Variants in NDUFS7 observed in about 807,000 individuals in gnomAD.
NDUFS7 encodes NADH dehydrogenase [ubiquinone] iron-sulfur protein 7, mitochondrial.
Under a neutral mutation model 31.1 loss-of-function variants are expected in NDUFS7, and 11 were observed. The ratio of observed to expected loss-of-function variants is 0.35; its 90% confidence interval spans 0.22 to 0.59. The LOEUF (loss-of-function observed/expected upper bound fraction) is 0.59, where lower values mean the gene tolerates loss of function less well. Among genes scored for constraint, NDUFS7 ranks in the 20% least tolerant of loss-of-function variants. NDUFS7 has a pLI of 0.79. For synonymous variants in NDUFS7, 136 were observed against 127.9 expected (o/e 1.06, Z -0.43); for missense variants, 263 against 324.2 (o/e 0.81, Z 1.45).
At chr19:1,391,096 C>T in intron 5 of NDUFS7, 23 bp from the exon 6 acceptor site, 1 of 1,609,664 alleles carries the variant, frequency 6.2e-7, no homozygotes, top group Non-Finnish European at 8.5e-7. Flanking sequence ...GTGAGCTGCG[C>T]ACGGACCCCG....
intron 1 of NDUFS7, 94 bp from the exon 2 acceptor site, chr19:1,387,717 C>A: frequency 8.8e-7 from 1 of 1,142,620 alleles, no homozygotes; most frequent in Non-Finnish European, 1.3e-6. Context: ...CAGAGCTAGG[C>A]TGTGCGGGCA....
intron 1 of NDUFS7, among the ~76,000 whole-genome samples, chr19:1,384,680 G>A (rs549475723): frequency 1.5e-4 from 23 of 152,338 alleles, no homozygotes; most frequent in African/African-American, 5.5e-4. Flanking sequence ...GGAGTGAGGA[G>A]TGGAAATGAG....
intron 4 of NDUFS7, 46 bp downstream of exon 4, chr19:1,388,984 C>G (rs767448532): frequency 6.7e-7 from 1 of 1,486,400 alleles, no homozygotes; most frequent in Non-Finnish European, 9.2e-7. Flanking sequence ...CAGGGCCTCT[C>G]TGCACACTCA....
intron 7 of NDUFS7, chr19:1,394,382 GT>G (rs2082577901): frequency 7.8e-7 from 1 of 1,289,160 alleles, no homozygotes; most frequent in Non-Finnish European, 1.0e-6. Context: ...AATGGGGCAA[GT>G]TGCGAGTGTG....
chr19:1,391,525 A>G (rs1416012452), intron 6 of NDUFS7, among the ~76,000 whole-genome samples: 2 of 143,736 alleles, frequency 1.4e-5, no homozygotes, highest in African/African-American at 5.2e-5. Flanking sequence ...TTGCTCTGTC[A>G]ACCCAGGCTG....
chr19:1,392,117 G>C (rs1319350098), intron 6 of NDUFS7: 1 of 152,012 alleles, frequency 6.6e-6, no homozygotes, highest in Admixed American at 6.6e-5. Flanking sequence ...AAAGTTCTGG[G>C]ATTACAGGCA....
At position 1,391,099 on chromosome 19, in the gene NDUFS7, G is replaced by A. The variant is rs1251358130; in HGVS notation, c.409-20G>A. The A allele has an allele frequency of 2.6e-5, 42 of 1,609,144 alleles. No homozygotes were observed. Among genetic ancestry groups the A allele is most frequent in the African/African-American group, 4.0e-5 (3 of 74,734 alleles). ...GCCGCCCCCAGAGTGAGCTGCGCAC[G>A]GACCCCGCCTCTCTTCCAGGTCTAC... On this transcript the variant is annotated intron_variant, in intron 5 of 7. Transcript: ENST00000233627.
rs556948291 is a variant in NDUFS7, at chr19:1,384,298, G to C, written c.16+356G>C. On this transcript the variant is annotated intron_variant, in intron 1 of 7. Transcript: ENST00000233627. ...TGGAGAGAGCGGGGCCTGCCTGACAGGCTGGGAAACTGAGGCCCATTGAGG... is the reference window on the plus strand; with the variant it reads ...TGGAGAGAGCGGGGCCTGCCTGACACGCTGGGAAACTGAGGCCCATTGAGG... The C allele has an allele frequency of 7.5e-4, 268 of 355,012 alleles. 5 individuals carry two copies. The Middle Eastern group carries it at 7.6e-3, about 10-fold the overall frequency. 22.0% of individuals were successfully genotyped at this position (355,012 alleles called of 1,614,324 possible).
intron 2 of NDUFS7, 74 bp downstream of exon 2, chr19:1,387,921 G>C (rs2082519781): frequency 1.5e-5 from 5 of 328,096 alleles, no homozygotes; most frequent in South Asian, 1.8e-5. Context: ...CGGGGGGGGT[G>C]GGGGGTGGGG....
At chr19:1,386,655 C>G (rs759692958) in intron 1 of NDUFS7, 2 of 152,208 alleles carry the variant, frequency 1.3e-5, no homozygotes, top group Non-Finnish European at 2.9e-5. Context: ...TGCTACTACA[C>G]CCAGCTAATT....
chr19:1,391,542 G>A (rs1225312417), intron 6 of NDUFS7, among the ~76,000 whole-genome samples: 9 of 146,508 alleles, frequency 6.1e-5, no homozygotes, highest in South Asian at 4.3e-4. Context: ...GCTGGAGTGC[G>A]GTGGAACCAT....
rs1470786513 is a variant in NDUFS7, at chr19:1,393,236, C to A, written c.456-6C>A. On this transcript the variant is annotated splice_region_variant and splice_polypyrimidine_tract_variant and intron_variant, in intron 6 of 7. Coordinates refer to ENST00000233627, the MANE Select transcript of NDUFS7 (RefSeq NM_024407.5). This position sits in a 1 kb window ranked among gnomAD's most constrained non-coding sequence, Gnocchi z 7.3. ...GCACACTCCCCTCACGGTGCCTCCCCAACAGCTGCGCCAACGGAGGAGGCT... is the reference window on the plus strand; with the variant it reads ...GCACACTCCCCTCACGGTGCCTCCCAAACAGCTGCGCCAACGGAGGAGGCT... The A allele has an allele frequency of 1.3e-6, 2 of 1,556,216 alleles. No individual in the cohort carries two copies. Among genetic ancestry groups the A allele is most frequent in the Non-Finnish European group, 1.7e-6 (2 of 1,150,972 alleles).
Position 1,393,026 on chromosome 19 carries a change from C to T in NDUFS7, c.456-216C>T, listed in dbSNP as rs2082567748. On this transcript the variant is annotated intron_variant, in intron 6 of 7. Coordinates refer to ENST00000233627, the MANE Select transcript of NDUFS7 (RefSeq NM_024407.5). This position sits in a 1 kb window ranked among gnomAD's most constrained non-coding sequence, Gnocchi z 7.3. ...CCCCCTCGGGAGGGGAGCACTTTTC[C>T]CCGAGTTATCAGCCACGTGTGAGCT... The T allele has an allele frequency of 3.3e-6, 2 of 601,608 alleles. No individual in the cohort carries two copies. Among genetic ancestry groups the T allele is most frequent in the Non-Finnish European group, 6.0e-6 (2 of 335,376 alleles). The allele number at this position is 601,608 out of a possible 1,614,324, so 37.3% of individuals were successfully genotyped here.
At chr19:1,385,764 AGCCAAGATT>A (rs1377818905) in intron 1 of NDUFS7, among the ~76,000 whole-genome samples, 1 of 152,158 alleles carries the variant, frequency 6.6e-6, no homozygotes, top group African/African-American at 2.4e-5. Flanking sequence ...GGTTGCAGTG[AGCCAAGATT>A]GTGCCGTTGC....
chr19:1,387,916 G>A (rs1199404682), intron 2 of NDUFS7, 69 bp downstream of exon 2: 19 of 404,088 alleles, frequency 4.7e-5, no homozygotes, highest in Admixed American at 7.9e-5. Context: ...CGGGGCGGGG[G>A]GGGTGGGGGG....
At chr19:1,389,610 G>A (rs960241720) in intron 4 of NDUFS7, 35 of 431,724 alleles carry the variant, frequency 8.1e-5, no homozygotes, top group African/African-American at 2.8e-4. Flanking sequence ...AAAGGAGCGC[G>A]TGTGAAGGCA....
intron 1 of NDUFS7, 123 bp downstream of exon 1, chr19:1,384,065 C>G (rs1766810023): frequency 1.8e-6 from 2 of 1,094,622 alleles, no homozygotes; most frequent in East Asian, 3.0e-5. Context: ...CCGGGCTTCT[C>G]CGAGCCGGCC....
chr19:1,387,787 C>T (rs201847203), intron 1 of NDUFS7, 24 bp from the exon 2 acceptor site: 43 of 1,610,358 alleles, frequency 2.7e-5, no homozygotes, highest in Non-Finnish European at 3.4e-5. Flanking sequence ...GCTCACTGTT[C>T]CCACCCCGTG....
chr19:1,394,386 CG>C (rs2082578002), intron 7 of NDUFS7: 1 of 1,289,098 alleles, frequency 7.8e-7, no homozygotes, highest in Non-Finnish European at 1.0e-6. Flanking sequence ...GGGCAAGTTG[CG>C]AGTGTGGACT....
Sources: allele counts gnomAD v4.1 joint callset (sites outside exome capture counted in the v4.1 genomes callset), GRCh38; gene constraint gnomAD v4.1.1; non-coding constraint Gnocchi (gnomAD v3.1); transcripts MANE v1.5; gene names NCBI Gene and HGNC (gene_info 2026-07-23, HGNC 2026-07-21).